The following TPR variants were observed in gnomAD, a reference collection of about 807,000 sequenced individuals.
TPR encodes nucleoprotein TPR.
A neutral mutation model predicts 316.1 loss-of-function variants in TPR; 51 were observed. The ratio of observed to expected loss-of-function variants is 0.16; its 90% CI spans 0.13 to 0.20. TPR has a LOEUF of 0.20. Among genes scored for constraint, TPR ranks in the 10% least tolerant of loss-of-function variants. The pLI is 1.00. For missense variants in TPR, 2,272 were observed against 2,754.8 expected, an observed-to-expected ratio of 0.82 and a Z score of 3.92; for synonymous variants, 981 against 914.7, an observed-to-expected ratio of 1.07 and a Z score of -1.31.
chr1:186,360,039 C>A, intron 11 of TPR, 43 bp from the exon 12 acceptor site: 1 of 1,567,834 alleles, frequency 6.4e-7, no homozygotes, highest in Non-Finnish European at 8.7e-7. Context: ...ACCATAACAA[C>A]GCAAATATTT....
chr1:186,319,573 A>G (rs534088233), intron 46 of TPR, among the ~76,000 whole-genome samples: 2 of 152,326 alleles, frequency 1.3e-5, no homozygotes, highest in South Asian at 4.1e-4. Context: ...GTCAACTTAC[A>G]ATTTCATATA....
chr1:186,345,551 C>G (rs1390501179), intron 24 of TPR, 29 bp downstream of exon 24: 1 of 1,503,662 alleles, frequency 6.7e-7, no homozygotes, highest in Non-Finnish European at 9.2e-7. Flanking sequence ...AGGATCGAAG[C>G]TCATTTCTCA....
At chr1:186,326,057 A>C (rs772624582) in intron 41 of TPR, 47 bp downstream of exon 41, 3 of 1,609,050 alleles carry the variant, frequency 1.9e-6, no homozygotes, top group Non-Finnish European at 2.5e-6. Context: ...CAAGTGAAAG[A>C]AAGCTCATAG....
rs1165989594 is a variant in TPR at position 186,363,490 on chromosome 1, C to G, written c.428-45G>C. 11 of 1,264,366 alleles carry G rather than the reference C, an allele frequency of 8.7e-6. No individual in the cohort carries two copies. The African/African-American group carries it at 9.0e-5, about 10-fold the overall frequency. 78.3% of individuals were successfully genotyped at this position (1,264,366 alleles called of 1,614,324 possible). A position where few individuals can be genotyped will look rare whatever the true frequency, so the allele number is the denominator to read the frequency against. On this transcript the variant is annotated intron_variant, in intron 4 of 50. Coordinates refer to ENST00000367478, the MANE Select transcript of TPR (RefSeq NM_003292.3). ...TAAAAAATAATAACTAATTAACACT[C>G]AGGGGAACCAAATATCAAAAATATA... is the stretch of plus-strand genomic sequence containing the variant.
At chr1:186,320,487 A>T in intron 45 of TPR, 69 bp from the exon 46 acceptor site, 1 of 1,327,370 alleles carries the variant, frequency 7.5e-7, no homozygotes, top group Non-Finnish European at 1.0e-6. Flanking sequence ...TGGTGAAAAA[A>T]ATATAGGAAG....
Position 186,336,619 on chromosome 1 carries a change from G to A in TPR, c.4582C>T (p.Leu1528Phe), listed in dbSNP as rs370992130. Residue 1528 changes from leucine (L) to phenylalanine (F), a missense_variant, in exon 33 of 51, where the codon CTT (leucine) becomes TTT (phenylalanine). Around this residue, in one of 10 missense-constraint regions of TPR, gnomAD observed 101 missense variants for 113.0 expected, o/e 0.89. Transcript: ENST00000367478. ...TVQLQSELSR[L>F]RQDLQDRTTQ... ...GTTCTATCTTGAAGATCCTGACGAA[G>A]TCGTGAAAGTTCAGACTGAAGTTGC... 6.2e-7 allele frequency: 1 copy of A among 1,613,726 alleles called. No homozygotes were observed. The highest frequency in any genetic ancestry group is 2.2e-5 in the East Asian group (1 of 44,884).
At chr1:186,338,312 T>C in intron 30 of TPR, 69 bp from the exon 31 acceptor site, 1 of 1,281,534 alleles carries the variant, frequency 7.8e-7, no homozygotes, top group Non-Finnish European at 1.1e-6. Flanking sequence ...AAGTCCAATG[T>C]AACTTTATGT....
intron 29 of TPR, among the ~76,000 whole-genome samples, chr1:186,340,491 G>A (rs1030941509): frequency 6.6e-6 from 1 of 151,858 alleles, no homozygotes; most frequent in Non-Finnish European, 1.5e-5. Context: ...GCATGCAGTG[G>A]CATGATCACA....
intron 4 of TPR, among the ~76,000 whole-genome samples, chr1:186,364,471 A>G (rs1281485658): frequency 6.6e-6 from 1 of 152,198 alleles, no homozygotes; most frequent in Non-Finnish European, 1.5e-5. Context: ...TCTGCAAAAT[A>G]CCTTCCTATC....
At chr1:186,338,824 T>C (rs1362551410) in intron 30 of TPR, among the ~76,000 whole-genome samples, 7 of 152,130 alleles carry the variant, frequency 4.6e-5, no homozygotes, top group Non-Finnish European at 7.4e-5. Context: ...ATGGGTTAAT[T>C]CTGAACTGAA....
At chr1:186,340,953 T>G in intron 29 of TPR, 75 bp downstream of exon 29, 1 of 1,539,634 alleles carries the variant, frequency 6.5e-7, no homozygotes, top group East Asian at 2.3e-5. Context: ...CCTCAAATAT[T>G]TTTATTCCCC....
chr1:186,353,304 G>A (rs922125596), intron 18 of TPR, among the ~76,000 whole-genome samples: 6 of 151,830 alleles, frequency 4.0e-5, no homozygotes, highest in Non-Finnish European at 5.9e-5. Flanking sequence ...CCCGGGAGGC[G>A]GAGCTTGCAG....
chr1:186,337,711 CAATT>C (rs1363975342), intron 31 of TPR, among the ~76,000 whole-genome samples: 3 of 151,792 alleles, frequency 2.0e-5, no homozygotes, highest in Admixed American at 6.6e-5. Flanking sequence ...TTAACATAAA[CAATT>C]TATTTAAAAC....
intron 21 of TPR, among the ~76,000 whole-genome samples, chr1:186,349,353 T>C (rs1658777370): frequency 6.6e-6 from 1 of 152,196 alleles, no homozygotes; most frequent in Non-Finnish European, 1.5e-5. Context: ...TTATTTCCCT[T>C]GTGTTAAGAA....
At chr1:186,371,862 A>ACG (rs1260727022) in intron 2 of TPR, among the ~76,000 whole-genome samples, 3 of 152,212 alleles carry the variant, frequency 2.0e-5, no homozygotes, top group African/African-American at 7.2e-5. Flanking sequence ...ATACACACAC[A>ACG]CGCGCGCACA....
In TPR at chr1:186,356,399, T is replaced by C. The variant is rs1659029976; in HGVS notation, c.1775A>G (p.Gln592Arg). ...TTGATGCTGTCGTGATTTGCGGAGT[T>C]GTTCTAGTTCAGTAAGGGCACTCTC... ...KLESALTELE[Q>R]LRKSRQHQMQ... is the part of the protein sequence containing the mutation. The change falls in exon 15 of 51, where the codon CAA becomes CGA. Residue 592 changes from glutamine to arginine, a missense_variant. By Grantham distance (43) the Gln-to-Arg change is conservative (BLOSUM62 1). This residue lies in a region of TPR where 757 missense variants were observed against 859.8 expected (regional missense o/e 0.88). Coordinates refer to ENST00000367478, the MANE Select transcript of TPR (RefSeq NM_003292.3). The C allele has an allele frequency of 3.7e-6, 6 of 1,613,820 alleles. No individual in the cohort carries two copies. The South Asian group carries it at 4.4e-5, about 12-fold the overall frequency.
intron 17 of TPR, 130 bp downstream of exon 17, chr1:186,355,280 G>C: frequency 1.1e-6 from 1 of 930,074 alleles, no homozygotes; most frequent in African/African-American, 1.7e-5. Context: ...TGAACTACCA[G>C]AGGTTCTCAT....
Position 186,335,495 on chromosome 1 carries a change from T to C in TPR, c.4754A>G (p.Asn1585Ser), listed in dbSNP as rs1378103915. 1 of 1,613,080 alleles carries C rather than the reference T, an allele frequency of 6.2e-7. No individual in the cohort carries two copies. The highest frequency in any genetic ancestry group is 8.5e-7 in the Non-Finnish European group (1 of 1,179,534). ...TKENEELKQRNGALDQQKDEL... is the reference protein window; with the variant it reads ...TKENEELKQRSGALDQQKDEL... ...ATCTTTCTGCTGATCTAAGGCTCCA[T>C]TCCTTTGTTTAAGCTCCTCATTTTC... Residue 1585 changes from asparagine (N) to serine (S), a missense_variant, in exon 34 of 51, where the codon AAT (asparagine) becomes AGT (serine). Asn to Ser is a conservative substitution (Grantham distance 46). Around this residue, in one of 10 missense-constraint regions of TPR, gnomAD observed 109 missense variants for 215.3 expected, o/e 0.51. Coordinates refer to ENST00000367478, the MANE Select transcript of TPR (RefSeq NM_003292.3).
intron 25 of TPR, 59 bp downstream of exon 25, chr1:186,344,316 A>G: frequency 6.4e-7 from 1 of 1,569,466 alleles, no homozygotes; most frequent in Non-Finnish European, 8.7e-7. Context: ...ATTATAAAAT[A>G]AAGAAAAAAA....
Sources: allele counts gnomAD v4.1 joint callset (sites outside exome capture counted in the v4.1 genomes callset), GRCh38; gene constraint gnomAD v4.1.1; regional missense constraint gnomAD v4.1.1; transcripts MANE v1.5; gene names NCBI Gene and HGNC (gene_info 2026-07-23, HGNC 2026-07-21).